Variants in DET1 observed in about 807,000 individuals in gnomAD.
DET1 encodes DET1 partner of COP1 E3 ubiquitin ligase.
In DET1, 22 loss-of-function variants were observed where a neutral mutation model predicts 43.7. That is an observed-to-expected ratio of 0.50 (90% CI 0.36 to 0.72). The LOEUF (loss-of-function observed/expected upper bound fraction) is 0.72, where lower values mean the gene tolerates loss of function less well. DET1 is among the 30% of genes least tolerant of loss of function. The pLI, the probability that DET1 is intolerant of heterozygous loss-of-function variation, is 0.00. For missense variants in DET1, 713 were observed against 713.3 expected, an observed-to-expected ratio of 1.00 and a Z score of 0.00; for synonymous variants, 315 against 266.2, an observed-to-expected ratio of 1.18 and a Z score of -1.79.
At chr15:88,530,120 C>T (rs2056772001) in intron 2 of DET1, among the ~76,000 whole-genome samples, 1 of 152,176 alleles carries the variant, frequency 6.6e-6, no homozygotes, top group South Asian at 2.1e-4. Flanking sequence ...AATGAATGCA[C>T]TTATTAGTTA....
chr15:88,508,542 A>G (rs1450521993), downstream of DET1, among the ~76,000 whole-genome samples: 4 of 152,208 alleles, frequency 2.6e-5, no homozygotes, highest in Non-Finnish European at 5.9e-5. Flanking sequence ...AAAAACATAT[A>G]CTGTCCTAGA....
In DET1 at chr15:88,536,924, C is replaced by T. The variant is rs117219104; in HGVS notation, c.-10-5209G>A. Among the ~76,000 whole-genome samples the T allele has an allele frequency of 2.6e-3, 393 of 152,022 alleles. 1 individual carries two copies. Among genetic ancestry groups the T allele is most frequent in the Middle Eastern group, 0.01 (3 of 294 alleles). The stretch of plus-strand genomic sequence containing the variant: ...AGCACAGAGTGAGTGATAAGAGAGG[C>T]CTAGAAAAAGACTGGAAAGCAGGGG... On this transcript the variant is annotated intron_variant, in intron 1 of 4. Coordinates refer to ENST00000268148, the MANE Select transcript of DET1 (RefSeq NM_001144074.3).
chr15:88,542,402 C>T (rs563998529), intron 1 of DET1, among the ~76,000 whole-genome samples: 27 of 152,222 alleles, frequency 1.8e-4, no homozygotes, highest in African/African-American at 6.0e-4. Context: ...TCTAAGACAA[C>T]TGAAGTTGTC....
chr15:88,519,801 A>G (rs1034946958), intron 3 of DET1, among the ~76,000 whole-genome samples: 1 of 152,040 alleles, frequency 6.6e-6, no homozygotes, highest in African/African-American at 2.4e-5. Flanking sequence ...AAAAACATAC[A>G]ATGCTCACTT....
At chr15:88,537,012 T>A (rs908121003) in intron 1 of DET1, among the ~76,000 whole-genome samples, 1 of 152,024 alleles carries the variant, frequency 6.6e-6, no homozygotes. Flanking sequence ...TCATATTCTG[T>A]CTCCTTCTGA....
intron 2 of DET1, 91 bp downstream of exon 2, chr15:88,530,532 A>G (rs1203968590): frequency 1.3e-6 from 2 of 1,508,092 alleles, no homozygotes; most frequent in East Asian, 2.3e-5. Flanking sequence ...TGAAATGTCT[A>G]TTTCTGAGGG....
At chr15:88,523,020 C>A (rs1396623436) in intron 3 of DET1, among the ~76,000 whole-genome samples, 1 of 151,704 alleles carries the variant, frequency 6.6e-6, no homozygotes, top group African/African-American at 2.4e-5. Flanking sequence ...GTAGCTGAGC[C>A]GACAGGCGCA....
rs1240341155 is a variant in DET1, at chr15:88,504,638, A to G, written c.*2066-651T>C. The G allele has an allele frequency of 6.6e-6, 1 of 152,016 alleles. No homozygotes were observed. The highest frequency in any genetic ancestry group is 1.9e-4 in the East Asian group (1 of 5,186). The allele number at this position is 152,016 out of a possible 1,614,324, so 9.4% of individuals were successfully genotyped here. On this transcript the variant is annotated intron_variant and NMD_transcript_variant, in intron 7 of 8. Coordinates refer to the DET1 transcript ENST00000557842. The surrounding 1 kb of genome is among the most constrained non-coding windows in gnomAD (Gnocchi z 4.7). ...ACGTCTTTCATATGCAAACCAACCA[A>G]TCCAGAGCCCACACCTCAAGCACCT...
At chr15:88,521,088 C>T (rs891578555) in intron 3 of DET1, among the ~76,000 whole-genome samples, 1 of 152,184 alleles carries the variant, frequency 6.6e-6, no homozygotes, top group Non-Finnish European at 1.5e-5. Context: ...CTGCCTACCT[C>T]CCCACCCCAA....
intron 1 of DET1, among the ~76,000 whole-genome samples, chr15:88,541,805 T>A (rs976405919): frequency 6.6e-6 from 1 of 152,206 alleles, no homozygotes; most frequent in East Asian, 1.9e-4. Context: ...AGGCCGTGTT[T>A]TCACCTCGAC....
chr15:88,522,833 T>C (rs2056536561), intron 3 of DET1, among the ~76,000 whole-genome samples: 1 of 151,648 alleles, frequency 6.6e-6, no homozygotes, highest in Admixed American at 6.6e-5. Flanking sequence ...ATGTTCCTGT[T>C]TTTATACTTT....
At chr15:88,524,184 G>A (rs903913368) in intron 3 of DET1, among the ~76,000 whole-genome samples, 6 of 152,096 alleles carry the variant, frequency 3.9e-5, no homozygotes, top group Admixed American at 3.9e-4. Flanking sequence ...TCTGGGAACT[G>A]AGGAGTGTCT....
At chr15:88,543,474 C>G (rs1331532152) in intron 1 of DET1, among the ~76,000 whole-genome samples, 1 of 152,206 alleles carries the variant, frequency 6.6e-6, no homozygotes, top group Non-Finnish European at 1.5e-5. Context: ...CAGCTACTAT[C>G]CAAGACTGTA....
At chr15:88,545,520 C>T (rs1386074112) in intron 1 of DET1, among the ~76,000 whole-genome samples, 1 of 152,212 alleles carries the variant, frequency 6.6e-6, no homozygotes, top group East Asian at 1.9e-4. Context: ...ACTGGAACCC[C>T]TGGCTAACTA....
At chr15:88,526,987 G>A (rs2056679826) in intron 3 of DET1, among the ~76,000 whole-genome samples, 1 of 152,154 alleles carries the variant, frequency 6.6e-6, no homozygotes, top group South Asian at 2.1e-4. Context: ...TCTGGTGTAA[G>A]GCAGCTTGTT....
intron 1 of DET1, among the ~76,000 whole-genome samples, chr15:88,540,494 C>T (rs1462736734): frequency 6.6e-6 from 1 of 151,980 alleles, no homozygotes; most frequent in African/African-American, 2.4e-5. Flanking sequence ...AACACTTCCT[C>T]CCAGCCTTGC....
intron 3 of DET1, among the ~76,000 whole-genome samples, chr15:88,524,398 C>T (rs558695336): frequency 6.6e-6 from 1 of 152,198 alleles, no homozygotes; most frequent in African/African-American, 2.4e-5. Context: ...CGCCTCTGCC[C>T]GGCTGCCCCG....
chr15:88,546,076 C>G (rs1245164927), intron 1 of DET1, among the ~76,000 whole-genome samples: 1 of 152,052 alleles, frequency 6.6e-6, no homozygotes, highest in Non-Finnish European at 1.5e-5. Context: ...TAGACCCCCC[C>G]TCCCCTTCCT....
chr15:88,522,433 C>T (rs1315211326), intron 3 of DET1, among the ~76,000 whole-genome samples: 1 of 149,922 alleles, frequency 6.7e-6, no homozygotes, highest in African/African-American at 2.5e-5. Flanking sequence ...ATTTACTCTA[C>T]TTTTTTGGAG....
Sources: gnomAD v4.1 joint callset for allele counts (sites outside exome capture counted in the v4.1 genomes callset) on GRCh38, gnomAD v4.1.1 for gene constraint, Gnocchi (gnomAD v3.1) non-coding constraint, MANE v1.5 for transcripts, NCBI Gene and HGNC (gene_info 2026-07-23, HGNC 2026-07-21) for gene names.